The following MGAT4C variants were observed in gnomAD, a reference collection of about 807,000 sequenced individuals.
MGAT4C encodes alpha-1,3-mannosyl-glycoprotein 4-beta-N-acetylglucosaminyltransferase C.
Under a neutral mutation model 40.1 loss-of-function variants are expected in MGAT4C, and 19 were observed. The ratio of observed to expected loss-of-function variants is 0.47; its 90% confidence interval spans 0.33 to 0.70. The LOEUF (loss-of-function observed/expected upper bound fraction) is 0.70, where lower values mean the gene tolerates loss of function less well. MGAT4C is among the 30% of genes least tolerant of loss of function. The probability of loss-of-function intolerance (pLI) is 0.02; values close to 1 mark genes in which losing one functional copy is unlikely to be tolerated. For synonymous variants in MGAT4C, 181 were observed against 187.1 expected, an observed-to-expected ratio of 0.97 and a Z score of 0.27; for missense variants, 491 against 563.2, an observed-to-expected ratio of 0.87 and a Z score of 1.30.
Position 86,010,731 on chromosome 12 carries a change from A to T in MGAT4C, c.-6-21179T>A, listed in dbSNP as rs577500628. On this transcript the variant is annotated intron_variant, in intron 2 of 4. Transcript: ENST00000611864. ...AAACACACAAAACCCATGTTGAAAG[A>T]TAATCCCCAGTGTAACAGTATTAAA... Among the ~76,000 whole-genome samples, 4 of 152,282 alleles carry T rather than the reference A, an allele frequency of 2.6e-5. No homozygotes were observed. In the South Asian group the frequency reaches 8.3e-4, roughly 32 times the overall value.
At chr12:86,302,473 T>G (rs1953838721) in intron 4 of MGAT4C, among the ~76,000 whole-genome samples, 1 of 150,464 alleles carries the variant, frequency 6.6e-6, no homozygotes, top group Non-Finnish European at 1.5e-5. Context: ...CTGTTGCCCA[T>G]GCTGGAGTGC....
At chr12:86,774,345 C>CTTTTCTTTCTTTCTTTCTTTCTTTCTG (rs1951708548) in intron 1 of MGAT4C, among the ~76,000 whole-genome samples, 3 of 14,930 alleles carry the variant, frequency 2.0e-4, no homozygotes, top group African/African-American at 8.0e-4. Flanking sequence ...CTTTCTGTCT[C>CTTTTCTTTCTTTCTTTCTTTCTTTCTG]TCTCTCTCCC....
chr12:86,246,007 T>C (rs1036480186), intron 1 of MGAT4C, among the ~76,000 whole-genome samples: 2 of 152,128 alleles, frequency 1.3e-5, no homozygotes, highest in Admixed American at 1.3e-4. Flanking sequence ...ACATTAATTG[T>C]ACATTCATAT....
At chr12:86,438,340 T>A (rs1307234770) in intron 2 of MGAT4C, among the ~76,000 whole-genome samples, 4 of 151,924 alleles carry the variant, frequency 2.6e-5, no homozygotes, top group African/African-American at 9.7e-5. Flanking sequence ...AGAAGAAAAG[T>A]TTGAAGCCAG....
chr12:86,092,595 A>C (rs1873085548), intron 1 of MGAT4C, among the ~76,000 whole-genome samples: 1 of 152,146 alleles, frequency 6.6e-6, no homozygotes, highest in African/African-American at 2.4e-5. Flanking sequence ...TTTAGTGCTA[A>C]AATTTCAACT....
At chr12:86,233,009 C>T (rs1951390835) in intron 1 of MGAT4C, among the ~76,000 whole-genome samples, 1 of 152,166 alleles carries the variant, frequency 6.6e-6, no homozygotes, top group Admixed American at 6.5e-5. Flanking sequence ...GTAGAATCAA[C>T]AGCTGTAATT....
chr12:86,761,555 T>C (rs1951406614), intron 1 of MGAT4C, among the ~76,000 whole-genome samples: 2 of 152,224 alleles, frequency 1.3e-5, no homozygotes, highest in Admixed American at 6.5e-5. Context: ...CTTATATTTC[T>C]GGAGATCAGA....
Position 85,957,657 on chromosome 12 carries a change from C to CAAAAAAAAAAA in MGAT4C, c.*21621_*21631dup, listed in dbSNP as rs5799763. ...TTTACTGTAGAGTTGAATAAGAAAGCAAAAAAAAAAAAAAAAGAAAAAAGA... is the reference window on the plus strand; with the variant it reads ...TTTACTGTAGAGTTGAATAAGAAAGCAAAAAAAAAAAAAAAAAAAAAAAAAAAGAAAAAAGA... On this transcript the variant is annotated 3_prime_UTR_variant, in exon 5 of 5. Coordinates refer to ENST00000611864, the MANE Select transcript of MGAT4C (RefSeq NM_001351288.2). The CAAAAAAAAAAA allele has an allele frequency of 7.9e-3, 794 of 100,908 alleles. No homozygotes were observed. Among genetic ancestry groups the CAAAAAAAAAAA allele is most frequent in the Non-Finnish European group, 0.012 (618 of 52,436 alleles). 6.3% of individuals were successfully genotyped at this position (100,908 alleles called of 1,614,324 possible).
At chr12:86,175,195 T>C (rs1176787821) in intron 1 of MGAT4C, among the ~76,000 whole-genome samples, 5 of 152,172 alleles carry the variant, frequency 3.3e-5, no homozygotes, top group African/African-American at 1.2e-4. Flanking sequence ...TTTGAAGTCT[T>C]TGTAAAAAAG....
At chr12:86,526,738 C>T (rs928194554) in intron 2 of MGAT4C, among the ~76,000 whole-genome samples, 9 of 152,202 alleles carry the variant, frequency 5.9e-5, no homozygotes, top group African/African-American at 1.4e-4. Context: ...GGAGGGCCAT[C>T]GCTGGCCATG....
chr12:86,250,394 T>C (rs962859951), intron 1 of MGAT4C, among the ~76,000 whole-genome samples: 6 of 149,948 alleles, frequency 4.0e-5, no homozygotes, highest in Non-Finnish European at 7.4e-5. Context: ...AAAACATACT[T>C]TGCCTCTAAT....
chr12:86,360,486 G>A (rs1398866863), intron 3 of MGAT4C, among the ~76,000 whole-genome samples: 1 of 152,166 alleles, frequency 6.6e-6, no homozygotes, highest in Non-Finnish European at 1.5e-5. Flanking sequence ...ATCTGGCCAG[G>A]ACAGTCAGGC....
At chr12:86,268,954 A>G (rs1952865003) in intron 4 of MGAT4C, among the ~76,000 whole-genome samples, 1 of 141,196 alleles carries the variant, frequency 7.1e-6, no homozygotes, top group South Asian at 2.3e-4. Flanking sequence ...AACACCATCA[A>G]CCCACCCTCA....
intron 2 of MGAT4C, among the ~76,000 whole-genome samples, chr12:86,487,456 G>C (rs192567176): frequency 1.1e-4 from 16 of 152,284 alleles, no homozygotes; most frequent in Admixed American, 1.0e-3. Context: ...AAGTTTTGGA[G>C]TGGCTATTGA....
chr12:86,575,693 T>C (rs1043644404), intron 2 of MGAT4C, among the ~76,000 whole-genome samples: 1 of 152,040 alleles, frequency 6.6e-6, no homozygotes, highest in Non-Finnish European at 1.5e-5. Flanking sequence ...CTCATTGATA[T>C]GCTGATTTCC....
intron 1 of MGAT4C, among the ~76,000 whole-genome samples, chr12:86,225,463 A>G (rs1220351732): frequency 6.6e-6 from 1 of 152,106 alleles, no homozygotes; most frequent in African/African-American, 2.4e-5. Context: ...CATCACCCCA[A>G]TACTAACCAT....
intron 2 of MGAT4C, among the ~76,000 whole-genome samples, chr12:86,036,336 A>T (rs1214691361): frequency 6.7e-6 from 1 of 150,022 alleles, no homozygotes; most frequent in East Asian, 1.9e-4. Flanking sequence ...CCCTGGCCAG[A>T]ACTTCCAATA....
At position 86,731,996 on chromosome 12, in the gene MGAT4C, G is replaced by A. The variant is rs563578613; in HGVS notation, c.-261-4755C>T. ...TGTTTTATGCTTAAAGGAGGGGCTA[G>A]GCCATTTGCTGGGCCTAGGTTTATG... is the stretch of plus-strand genomic sequence containing the variant. On this transcript the variant is annotated intron_variant, in intron 1 of 7. Coordinates refer to the MGAT4C transcript ENST00000548651. 2.6e-5 allele frequency among the ~76,000 whole-genome samples: 4 copies of A among 152,224 alleles called. No homozygotes were observed. The South Asian group carries it at 8.3e-4, about 32-fold the overall frequency.
intron 3 of MGAT4C, among the ~76,000 whole-genome samples, chr12:86,400,593 C>G (rs1592793283): frequency 6.6e-6 from 1 of 152,290 alleles, no homozygotes; most frequent in East Asian, 1.9e-4. Context: ...TTCCTGGTGC[C>G]ATCTTTGAAC....
Sources: allele counts gnomAD v4.1 joint callset (sites outside exome capture counted in the v4.1 genomes callset), GRCh38; gene constraint gnomAD v4.1.1; transcripts MANE v1.5; gene names NCBI Gene and HGNC (gene_info 2026-07-23, HGNC 2026-07-21).